OPN3: variants seen among roughly 807,000 people sequenced by gnomAD.
OPN3 encodes opsin-3.
A neutral mutation model predicts 33.8 loss-of-function variants in OPN3; 29 were observed. The observed-to-expected ratio is 0.86, with a 90% CI of 0.64 to 1.17. The LOEUF is 1.17. OPN3 is among the 50% of genes most tolerant of loss of function. The probability of loss-of-function intolerance (pLI) is 0.00; values close to 1 mark genes in which losing one functional copy is unlikely to be tolerated. For missense variants in OPN3, 437 were observed against 514.1 expected, an observed-to-expected ratio of 0.85 and a Z score of 1.45; for synonymous variants, 216 against 216.1, an observed-to-expected ratio of 1.00 and a Z score of 0.00.
intron 1 of OPN3, chr1:241,634,040 A>G: frequency 6.2e-7 from 1 of 1,613,042 alleles, no homozygotes; most frequent in East Asian, 2.2e-5. Flanking sequence ...CCCAGAGCAG[A>G]CATAAACATT....
chr1:241,605,055 C>CAAA (rs35256239), intron 1 of OPN3, among the ~76,000 whole-genome samples: 15,096 of 125,796 alleles, frequency 0.12, 996 homozygotes, highest in East Asian at 0.2. Context: ...GACCTTATCT[C>CAAA]AAAAAAAAAA....
chr1:241,608,789 A>G (rs1225281559), intron 1 of OPN3, among the ~76,000 whole-genome samples: 1 of 152,226 alleles, frequency 6.6e-6, no homozygotes, highest in South Asian at 2.1e-4. Flanking sequence ...GTACCATGAC[A>G]TGTTAGTACA....
At chr1:241,602,637 CAG>C (rs772195334) in intron 2 of OPN3, among the ~76,000 whole-genome samples, 1 of 151,242 alleles carries the variant, frequency 6.6e-6, no homozygotes, top group Non-Finnish European at 1.5e-5. Context: ...GAAAGAGAGA[CAG>C]AGAGAGAGAG....
intron 1 of OPN3, chr1:241,615,948 C>T (rs759176605): frequency 6.1e-5 from 28 of 456,540 alleles, no homozygotes; most frequent in Admixed American, 1.6e-4. Flanking sequence ...TAGAGGCAAA[C>T]GGACATTAAC....
rs577426194 is a variant in OPN3 at position 241,613,437 on chromosome 1, G to A, written c.374-8858C>T. On this transcript the variant is annotated intron_variant, in intron 1 of 3. Coordinates refer to ENST00000366554, the MANE Select transcript of OPN3 (RefSeq NM_014322.3). ...CCAAAGTCCATGCTGTGCTATACTT[G>A]TTTTCTAATTCTTCTTTGAGAATTA... is the stretch of plus-strand genomic sequence containing the variant. Among the ~76,000 whole-genome samples, 20 of 152,248 alleles carry A rather than the reference G, an allele frequency of 1.3e-4. No individual in the cohort carries two copies. The East Asian group carries it at 3.3e-3, about 25-fold the overall frequency.
At chr1:241,601,623 T>C (rs1663679871) in intron 2 of OPN3, among the ~76,000 whole-genome samples, 1 of 152,170 alleles carries the variant, frequency 6.6e-6, no homozygotes, top group Non-Finnish European at 1.5e-5. Flanking sequence ...GGAGAATTGC[T>C]TGAACCTGTG....
chr1:241,617,287 T>A (rs141736147), intron 1 of OPN3, among the ~76,000 whole-genome samples: 45 of 152,338 alleles, frequency 3.0e-4, no homozygotes, highest in Non-Finnish European at 5.3e-4. Context: ...AAGCAAGTTG[T>A]TTCTCAGCAA....
rs183328990 is a variant in OPN3 at position 241,607,250 on chromosome 1, C to T, written c.374-2671G>A. On this transcript the variant is annotated intron_variant, in intron 1 of 3. Transcript: ENST00000366554. The stretch of plus-strand genomic sequence containing the variant: ...TGGTATAAGGCTGGGCGTGGTGGCT[C>T]ACACCTATAATCTCAACACTTTGGG... Among the ~76,000 whole-genome samples the T allele has an allele frequency of 1.5e-3, 223 of 152,212 alleles. No homozygotes were observed. The Middle Eastern group carries it at 0.017, about 12-fold the overall frequency.
In OPN3 at chr1:241,640,153, GGGCGCGGGGCTCAGTGTCCCCGCC is replaced by G. The variant is rs1225478093; in HGVS notation, c.78_101del (p.Ala27_Pro34del). The G allele has an allele frequency of 3.3e-6, 5 of 1,525,218 alleles. No homozygotes were observed. Among genetic ancestry groups the G allele is most frequent in the Non-Finnish European group, 3.5e-6 (4 of 1,139,188 alleles). 94.5% of individuals were successfully genotyped at this position (1,525,218 alleles called of 1,614,324 possible). A position where few individuals can be genotyped will look rare whatever the true frequency, so the allele number is the denominator to read the frequency against. The stretch of plus-strand genomic sequence containing the variant: ...GCTCGTAGGTGCCGGGGCTGAAGAG[GGGCGCGGGGCTCAGTGTCCCCGCC>G]GGCGCCGGCCCCTCAGCGCCCGCGG... On this transcript the variant is annotated inframe_deletion, in exon 1 of 4. Transcript: ENST00000366554.
chr1:241,597,725 T>C (rs1421527570), intron 3 of OPN3, 21 bp downstream of exon 3: 1 of 1,605,386 alleles, frequency 6.2e-7, no homozygotes. Context: ...GTGAAAACAA[T>C]CAGTTAATTG....
intron 1 of OPN3, among the ~76,000 whole-genome samples, chr1:241,612,006 T>G (rs1437235646): frequency 2.0e-5 from 3 of 152,200 alleles, no homozygotes; most frequent in Non-Finnish European, 4.4e-5. Flanking sequence ...CTTTGTTGGC[T>G]GTGGGAATGA....
intron 1 of OPN3, among the ~76,000 whole-genome samples, chr1:241,638,118 T>A (rs1031852423): frequency 6.6e-6 from 1 of 152,208 alleles, no homozygotes; most frequent in African/African-American, 2.4e-5. Flanking sequence ...CGGAATCTCT[T>A]ATCTCAGGGT....
chr1:241,600,620 C>T (rs1387801492), intron 2 of OPN3: 3 of 152,206 alleles, frequency 2.0e-5, no homozygotes, highest in East Asian at 1.9e-4. Context: ...AAGTGTGTAG[C>T]TATGTCTCCA....
chr1:241,615,205 T>TAAAAA (rs56262278), intron 1 of OPN3, among the ~76,000 whole-genome samples: 33 of 113,986 alleles, frequency 2.9e-4, no homozygotes, highest in African/African-American at 1.1e-3. Flanking sequence ...GGCCAAAGTC[T>TAAAAA]AAAAAAAAAA....
chr1:241,617,911 A>G (rs951368438), intron 1 of OPN3, among the ~76,000 whole-genome samples: 2 of 152,210 alleles, frequency 1.3e-5, no homozygotes, highest in African/African-American at 4.8e-5. Flanking sequence ...CATATTGGTG[A>G]CCAGTGTGGA....
chr1:241,631,001 CAT>C (rs1467464925), intron 1 of OPN3: 1 of 152,038 alleles, frequency 6.6e-6, no homozygotes, highest in Non-Finnish European at 1.5e-5. Context: ...GTACTGAGAA[CAT>C]GTCTGCCTCA....
chr1:241,629,698 T>C (rs971935273), intron 1 of OPN3: 2 of 152,160 alleles, frequency 1.3e-5, no homozygotes, highest in African/African-American at 4.8e-5. Flanking sequence ...AGTATTTTTC[T>C]TTTTATACTT....
chr1:241,593,323 A>G lies in OPN3; in HGVS notation c.*1105T>C, dbSNP rs1320021972. The G allele has an allele frequency of 4.8e-6, 2 of 415,142 alleles. No individual in the cohort carries two copies. Among genetic ancestry groups the G allele is most frequent in the Admixed American group, 4.8e-5 (2 of 41,636 alleles). 25.7% of individuals were successfully genotyped at this position (415,142 alleles called of 1,614,324 possible). On this transcript the variant is annotated 3_prime_UTR_variant, in exon 4 of 4. Coordinates refer to ENST00000366554, the MANE Select transcript of OPN3 (RefSeq NM_014322.3). ...CAATACACTTGATTTTTAAAAGCAC[A>G]TTTAGTGAAATGTTTTCTTTGGTTC...
chr1:241,630,934 A>G (rs1664610020), intron 1 of OPN3: 1 of 152,010 alleles, frequency 6.6e-6, no homozygotes, highest in Non-Finnish European at 1.5e-5. Context: ...GTTTGCCAAT[A>G]TTTTATTTTG....
Sources: gnomAD v4.1 joint callset for allele counts (sites outside exome capture counted in the v4.1 genomes callset) on GRCh38, gnomAD v4.1.1 for gene constraint, MANE v1.5 for transcripts, NCBI Gene and HGNC (gene_info 2026-07-23, HGNC 2026-07-21) for gene names.